Variants in NUP210L observed in about 807,000 individuals in gnomAD.
NUP210L encodes nucleoporin 210 like.
NUP210L carries 74 observed loss-of-function variants against 208.5 expected under a neutral mutation model. The ratio of observed to expected loss-of-function variants is 0.35; its 90% CI spans 0.29 to 0.43. The LOEUF is 0.43. Among genes scored for constraint, NUP210L ranks in the 20% least tolerant of loss-of-function variants. The probability of loss-of-function intolerance (pLI) is 1.00; values close to 1 mark genes in which losing one functional copy is unlikely to be tolerated. For missense variants in NUP210L, 1,843 were observed against 2,289.4 expected (o/e 0.81, Z 3.98); for synonymous variants, 780 against 816.9 (o/e 0.95, Z 0.77).
At chr1:154,072,427 G>A (rs1357093205) in intron 16 of NUP210L, among the ~76,000 whole-genome samples, 2 of 147,858 alleles carry the variant, frequency 1.4e-5, no homozygotes, top group Non-Finnish European at 3.0e-5. Flanking sequence ...CCACCTCCCG[G>A]GTTCATGCCA....
At chr1:154,068,561 T>C (rs1161212202) in intron 17 of NUP210L, among the ~76,000 whole-genome samples, 1 of 151,908 alleles carries the variant, frequency 6.6e-6, no homozygotes, top group Non-Finnish European at 1.5e-5. Context: ...GCGCCTGTAG[T>C]CCCAGCTACT....
At chr1:154,088,994 T>C (rs1037358031) in intron 16 of NUP210L, among the ~76,000 whole-genome samples, 2 of 152,196 alleles carry the variant, frequency 1.3e-5, no homozygotes, top group Non-Finnish European at 2.9e-5. Context: ...TTATTAATAT[T>C]GTTAATAAAA....
intron 16 of NUP210L, among the ~76,000 whole-genome samples, chr1:154,080,368 A>AG (rs1169683769): frequency 1.3e-5 from 2 of 151,092 alleles, no homozygotes; most frequent in Admixed American, 6.6e-5. Context: ...TCAAAAAAAA[A>AG]AAAAGGAAGA....
Position 154,065,443 on chromosome 1 carries a change from A to T in NUP210L, c.2555-3769T>A, listed in dbSNP as rs191392613. Among the ~76,000 whole-genome samples the T allele has an allele frequency of 6.6e-4, 100 of 152,304 alleles. 1 individual carries two copies. The highest frequency in any genetic ancestry group is 2.1e-3 in the African/African-American group (87 of 41,574). On this transcript the variant is annotated intron_variant, in intron 17 of 39. Transcript: ENST00000368559. Reference sequence around the variant, plus strand: ...CTCTAAAGAAAAAGAAATATATTTTAAAAATGATTTAATTTTATGTTCTTG... The same window carrying T: ...CTCTAAAGAAAAAGAAATATATTTTTAAAATGATTTAATTTTATGTTCTTG...
At chr1:154,065,127 A>T (rs957554901) in intron 17 of NUP210L, among the ~76,000 whole-genome samples, 1 of 150,200 alleles carries the variant, frequency 6.7e-6, no homozygotes, top group African/African-American at 2.4e-5. Context: ...AAATAAAATA[A>T]AATAAAATAA....
intron 6 of NUP210L, among the ~76,000 whole-genome samples, chr1:154,137,445 G>A (rs935099090): frequency 1.3e-5 from 2 of 151,946 alleles, no homozygotes; most frequent in Admixed American, 6.6e-5. Context: ...CCAGCTACTC[G>A]GGAGGCTGAG....
intron 13 of NUP210L, among the ~76,000 whole-genome samples, chr1:154,103,116 G>C (rs187730534): frequency 1.3e-5 from 2 of 151,454 alleles, no homozygotes; most frequent in Non-Finnish European, 2.9e-5. Context: ...AAAACTGGCT[G>C]GGCGCAGTGG....
chr1:154,090,632 GAAACCCCGTCTCTACTAA>G (rs1425027708), intron 15 of NUP210L, among the ~76,000 whole-genome samples: 2 of 152,046 alleles, frequency 1.3e-5, no homozygotes, highest in African/African-American at 4.8e-5. Flanking sequence ...CCGATATGGT[GAAACCCCGTCTCTACTAA>G]AAACACAAAA....
intron 2 of NUP210L, among the ~76,000 whole-genome samples, chr1:154,147,628 G>A (rs186448642): frequency 4.6e-5 from 7 of 151,714 alleles, no homozygotes; most frequent in South Asian, 2.1e-4. Flanking sequence ...ACAGGCCTCC[G>A]GAGCTAGTGC....
intron 16 of NUP210L, among the ~76,000 whole-genome samples, chr1:154,070,809 A>G (rs950801639): frequency 6.6e-6 from 1 of 152,158 alleles, no homozygotes; most frequent in Non-Finnish European, 1.5e-5. Context: ...ACATTCTGCT[A>G]TGTAAGAAAC....
chr1:154,012,239 C>T lies in NUP210L; in HGVS notation c.4780+5G>A. The stretch of plus-strand genomic sequence containing the variant: ...AATCACTGAAACCATGAAGAGATTC[C>T]TGACCTTTAAGATTGACACCATTTC... On this transcript the variant is annotated splice_donor_5th_base_variant and intron_variant, in intron 34 of 39. Transcript: ENST00000368559. 1 of 1,613,264 alleles carries T rather than the reference C, an allele frequency of 6.2e-7. No homozygotes were observed. The highest frequency in any genetic ancestry group is 8.5e-7 in the Non-Finnish European group (1 of 1,179,690).
chr1:153,999,960 G>A (rs1239778693), intron 37 of NUP210L, among the ~76,000 whole-genome samples: 1 of 151,514 alleles, frequency 6.6e-6, no homozygotes, highest in Non-Finnish European at 1.5e-5. Context: ...GAGTAGCTGG[G>A]ACCACAGGTC....
intron 16 of NUP210L, among the ~76,000 whole-genome samples, chr1:154,084,908 G>A (rs1002983220): frequency 2.7e-5 from 4 of 148,980 alleles, no homozygotes; most frequent in Admixed American, 1.3e-4. Context: ...ACAAATGTGT[G>A]GAAATTAAAA....
At chr1:154,110,956 C>A (rs987704026) in intron 12 of NUP210L, among the ~76,000 whole-genome samples, 1 of 148,548 alleles carries the variant, frequency 6.7e-6, no homozygotes, top group Non-Finnish European at 1.5e-5. Flanking sequence ...AAGATCAGAG[C>A]GGAAATAAAT....
chr1:154,026,150 GC>G (rs1415047836), intron 29 of NUP210L, among the ~76,000 whole-genome samples: 1 of 151,900 alleles, frequency 6.6e-6, no homozygotes, highest in East Asian at 1.9e-4. Flanking sequence ...CAGGAGAATG[GC>G]TTGAACCTGG....
chr1:153,995,114 A>G, exon 38 of NUP210L: 1 of 1,613,740 alleles, frequency 6.2e-7, no homozygotes, highest in Non-Finnish European at 8.5e-7. Flanking sequence ...CACTGCAAAG[A>G]GGGTCAAGAG....
chr1:154,108,036 AAAG>A (rs1656857085), intron 12 of NUP210L, among the ~76,000 whole-genome samples: 1 of 152,232 alleles, frequency 6.6e-6, no homozygotes, highest in African/African-American at 2.4e-5. Flanking sequence ...AGAAAGACTA[AAAG>A]AAGAACCTAT....
chr1:154,071,975 C>CAT (rs3221635), intron 16 of NUP210L, among the ~76,000 whole-genome samples: 1 of 148,366 alleles, frequency 6.7e-6, no homozygotes, highest in African/African-American at 2.5e-5. Context: ...TATTCCATCG[C>CAT]GTGTGTGTGT....
At chr1:154,069,092 C>T (rs1319958408) in intron 17 of NUP210L, among the ~76,000 whole-genome samples, 1 of 151,768 alleles carries the variant, frequency 6.6e-6, no homozygotes, top group African/African-American at 2.4e-5. Flanking sequence ...CCATAAAAAC[C>T]CTAGAAGAAA....
Sources: gnomAD v4.1 joint callset for allele counts (sites outside exome capture counted in the v4.1 genomes callset) on GRCh38, gnomAD v4.1.1 for gene constraint, MANE v1.5 for transcripts, NCBI Gene and HGNC (gene_info 2026-07-23, HGNC 2026-07-21) for gene names.